The following SCYL2 variants were observed in gnomAD, a reference collection of about 807,000 sequenced individuals.
SCYL2 encodes the protein SCY1 like pseudokinase 2, also known as SCY1-like protein 2.
Under a neutral mutation model 100.4 loss-of-function variants are expected in SCYL2, and 36 were observed. That is an observed-to-expected ratio of 0.36 (90% CI 0.27 to 0.47). The LOEUF (loss-of-function observed/expected upper bound fraction) is 0.47, where lower values mean the gene tolerates loss of function less well. Ranked by LOEUF, SCYL2 falls within the 20% of genes least tolerant of loss-of-function variation. SCYL2 has a pLI of 1.00. For missense variants in SCYL2, 902 were observed against 1,083.9 expected (o/e 0.83, Z 2.36); for synonymous variants, 330 against 359.2 (o/e 0.92, Z 0.92).
At chr12:100,308,849 C>T (rs1055685734) in intron 4 of SCYL2, among the ~76,000 whole-genome samples, 4 of 152,148 alleles carry the variant, frequency 2.6e-5, no homozygotes, top group African/African-American at 7.2e-5. Context: ...TTGAGCCCAG[C>T]ATAGCTTTGC....
At chr12:100,285,381 T>G (rs946421350) in intron 2 of SCYL2, among the ~76,000 whole-genome samples, 1 of 152,258 alleles carries the variant, frequency 6.6e-6, no homozygotes, top group Non-Finnish European at 1.5e-5. Context: ...TTTCTTTTCA[T>G]TGATAGAGTA....
At chr12:100,337,830 A>G (rs1263626433) in intron 17 of SCYL2, among the ~76,000 whole-genome samples, 1 of 152,186 alleles carries the variant, frequency 6.6e-6, no homozygotes, top group African/African-American at 2.4e-5. Context: ...CTCTTAACAT[A>G]TTTTTGAGCT....
At position 100,334,155 on chromosome 12, in the gene SCYL2, C is replaced by G. The variant is rs1952246016; in HGVS notation, c.1762-11C>G. The G allele has an allele frequency of 1.4e-6, 2 of 1,467,794 alleles. No homozygotes were observed. The highest frequency in any genetic ancestry group is 1.9e-6 in the Non-Finnish European group (2 of 1,051,910). The allele number at this position is 1,467,794 out of a possible 1,614,324, so 90.9% of individuals were successfully genotyped here. A position where few individuals can be genotyped will look rare whatever the true frequency, so the allele number is the denominator to read the frequency against. On this transcript the variant is annotated splice_polypyrimidine_tract_variant and intron_variant, in intron 13 of 17. Transcript: ENST00000360820. ...AAACATTGTAACCATATCAATTTCT[C>G]ATTATACCAGTTCAATTCTTTCATT...
chr12:100,297,729 A>G (rs903009316), intron 3 of SCYL2, among the ~76,000 whole-genome samples: 22 of 152,216 alleles, frequency 1.4e-4, no homozygotes, highest in African/African-American at 5.3e-4. Flanking sequence ...AAGAATATCA[A>G]TCATTTGAAC....
chr12:100,304,415 G>A (rs907771050), intron 4 of SCYL2, among the ~76,000 whole-genome samples: 2 of 152,104 alleles, frequency 1.3e-5, no homozygotes, highest in African/African-American at 4.8e-5. Flanking sequence ...CCTGGTCTGC[G>A]GGTTGCAAAG....
chr12:100,332,678 A>G (rs960964240), intron 13 of SCYL2, among the ~76,000 whole-genome samples: 5 of 151,526 alleles, frequency 3.3e-5, no homozygotes, highest in Non-Finnish European at 7.4e-5. Context: ...AGCTTCTGGG[A>G]TGTTGACAAT....
At chr12:100,337,897 A>G (rs1173891993) in intron 17 of SCYL2, among the ~76,000 whole-genome samples, 1 of 152,176 alleles carries the variant, frequency 6.6e-6, no homozygotes, top group Non-Finnish European at 1.5e-5. Flanking sequence ...ACTTGATTTA[A>G]GATGTACCTA....
intron 2 of SCYL2, among the ~76,000 whole-genome samples, chr12:100,289,383 T>A (rs756626049): frequency 6.6e-6 from 1 of 152,238 alleles, no homozygotes; most frequent in African/African-American, 2.4e-5. Flanking sequence ...TGACTTTTTT[T>A]ATCTTAGAAA....
intron 1 of SCYL2, among the ~76,000 whole-genome samples, chr12:100,269,780 A>T (rs568168771): frequency 6.6e-6 from 1 of 152,262 alleles, no homozygotes; most frequent in South Asian, 2.1e-4. Context: ...TGTTCATCAG[A>T]ATCACTTACG....
intron 4 of SCYL2, among the ~76,000 whole-genome samples, chr12:100,303,074 G>C (rs1488752597): frequency 1.3e-5 from 2 of 151,958 alleles, no homozygotes; most frequent in Non-Finnish European, 2.9e-5. Context: ...GCTTCACGAA[G>C]TTCTCATGCT....
chr12:100,294,392 C>A (rs2096314997), intron 3 of SCYL2, among the ~76,000 whole-genome samples: 1 of 124,272 alleles, frequency 8.0e-6, no homozygotes, highest in Non-Finnish European at 1.7e-5. Flanking sequence ...GCTGACCCCC[C>A]CACCTCCCTC....
Position 100,341,637 on chromosome 12 carries a change from A to T in SCYL2, c.*2465A>T, listed in dbSNP as rs1195149202. 6.6e-6 allele frequency: 1 copy of T among 152,220 alleles called. No homozygotes were observed. The highest frequency in any genetic ancestry group is 1.5e-5 in the Non-Finnish European group (1 of 68,028). The allele number at this position is 152,220 out of a possible 1,614,324, so 9.4% of individuals were successfully genotyped here. The stretch of plus-strand genomic sequence containing the variant: ...AAATACCTCACATGGTTGTTTTTAC[A>T]CATGAAAGAAAAAGGTATATGCGAA... On this transcript the variant is annotated 3_prime_UTR_variant, in exon 18 of 18. Transcript: ENST00000360820.
At chr12:100,329,822 G>A (rs1952186112) in intron 13 of SCYL2, among the ~76,000 whole-genome samples, 1 of 151,646 alleles carries the variant, frequency 6.6e-6, no homozygotes, top group South Asian at 2.1e-4. Context: ...GCGCACTTAC[G>A]TGGTTGTTGG....
rs1281558108 is a variant in SCYL2 at position 100,267,198 on chromosome 12, C to T, written c.-623C>T. 1.3e-5 allele frequency: 14 copies of T among 1,076,936 alleles called. No individual in the cohort carries two copies. Among genetic ancestry groups the T allele is most frequent in the South Asian group, 3.2e-5 (2 of 63,420 alleles). 66.7% of individuals were successfully genotyped at this position (1,076,936 alleles called of 1,614,324 possible). On this transcript the variant is annotated 5_prime_UTR_variant, in exon 1 of 18. Coordinates refer to ENST00000360820, the MANE Select transcript of SCYL2 (RefSeq NM_017988.6). Reference sequence around the variant, plus strand: ...TTTTAGTCTTTTTCCCCCTCCCTTACTCTTCGTCCCCGGTCCCTCCCCTCC... The same window carrying T: ...TTTTAGTCTTTTTCCCCCTCCCTTATTCTTCGTCCCCGGTCCCTCCCCTCC...
At chr12:100,292,481 G>A (rs2096311740) in intron 3 of SCYL2, among the ~76,000 whole-genome samples, 1 of 152,128 alleles carries the variant, frequency 6.6e-6, no homozygotes, top group South Asian at 2.1e-4. Flanking sequence ...CCCTTCAATT[G>A]TACAGTTTTG....
chr12:100,318,326 TTTC>T (rs2096351598), intron 10 of SCYL2, among the ~76,000 whole-genome samples: 3 of 148,410 alleles, frequency 2.0e-5, no homozygotes, highest in Non-Finnish European at 3.0e-5. Flanking sequence ...TTTTCTTTTC[TTTC>T]TTTTTTTTTT....
In SCYL2 at chr12:100,323,622, A is replaced by G. The variant is rs1352401652; in HGVS notation, c.1493A>G (p.Gln498Arg). ...CCAAGAATTAAAAATGCTTGTCTAC[A>G]AACATCTTCCCTTGCGGTAAGTAAT... ...LIPRIKNACL[Q>R]TSSLAVRVNS... The change falls in exon 11 of 18, where the codon CAA becomes CGA. Residue 498 changes from glutamine to arginine, a missense_variant. Coordinates refer to ENST00000360820, the MANE Select transcript of SCYL2 (RefSeq NM_017988.6). 6.3e-7 allele frequency: 1 copy of G among 1,584,358 alleles called. No homozygotes were observed. The highest frequency in any genetic ancestry group is 1.7e-5 in the Admixed American group (1 of 57,486).
intron 16 of SCYL2, among the ~76,000 whole-genome samples, chr12:100,336,646 A>G (rs1490309639): frequency 6.6e-6 from 1 of 152,142 alleles, no homozygotes; most frequent in Non-Finnish European, 1.5e-5. Flanking sequence ...AGGATTTTCA[A>G]AATAGATCTG....
At chr12:100,335,427 T>G (rs1247898657) in intron 14 of SCYL2, among the ~76,000 whole-genome samples, 198 bp from the exon 15 acceptor site, 3 of 152,080 alleles carry the variant, frequency 2.0e-5, no homozygotes, top group Non-Finnish European at 4.4e-5. Context: ...AATGTTGAGT[T>G]TAAGAAATGG....
Sources: allele counts gnomAD v4.1 joint callset (sites outside exome capture counted in the v4.1 genomes callset), GRCh38; gene constraint gnomAD v4.1.1; transcripts MANE v1.5; gene names NCBI Gene and HGNC (gene_info 2026-07-23, HGNC 2026-07-21).